The following MAF variants were observed in gnomAD, a reference collection of about 807,000 sequenced individuals.
The protein encoded by MAF is transcription factor Maf.
In MAF, 10 loss-of-function variants were observed where a neutral mutation model predicts 22.0. The ratio of observed to expected loss-of-function variants is 0.45; its 90% CI spans 0.28 to 0.77. MAF has a LOEUF of 0.77. Ranked by LOEUF, MAF falls within the 30% of genes least tolerant of loss-of-function variation. MAF has a pLI of 0.12. For missense variants in MAF, 544 were observed against 548.4 expected, an observed-to-expected ratio of 0.99 and a Z score of 0.08; for synonymous variants, 337 against 255.8, an observed-to-expected ratio of 1.32 and a Z score of -3.03.
the MAF span, among the ~76,000 whole-genome samples, chr16:79,454,560 T>C: frequency 2.0e-5 from 3 of 152,212 alleles, no homozygotes; most frequent in Non-Finnish European, 2.9e-5. Context: ...GAATTATCCC[T>C]TCCTACTAAT....
chr16:79,212,283 G>A, the MAF span: 3 of 1,165,740 alleles, frequency 2.6e-6, no homozygotes, highest in East Asian at 2.6e-5. Context: ...GACCAAGACT[G>A]AGCCAGCTTA....
chr16:79,311,520 A>T, the MAF span, among the ~76,000 whole-genome samples: 7 of 150,382 alleles, frequency 4.7e-5, no homozygotes, highest in Admixed American at 4.7e-4. Context: ...AAAAAACATT[A>T]TGTCTGCCCT....
chr16:79,469,747 C>G, the MAF span, among the ~76,000 whole-genome samples: 12 of 152,220 alleles, frequency 7.9e-5, no homozygotes, highest in South Asian at 2.5e-3. Context: ...CAGGTGCCCG[C>G]CACCTTGTCT....
At chr16:79,207,934 T>A in the MAF span, among the ~76,000 whole-genome samples, 3 of 152,214 alleles carry the variant, frequency 2.0e-5, no homozygotes, top group Non-Finnish European at 4.4e-5. Flanking sequence ...AGCAGCTACT[T>A]AACATTTTCA....
the MAF span, among the ~76,000 whole-genome samples, chr16:79,553,517 G>T: frequency 6.6e-6 from 1 of 152,338 alleles, no homozygotes; most frequent in South Asian, 2.1e-4. Flanking sequence ...TCAAAGAGAT[G>T]CCTCAGCATA....
At chr16:79,339,807 CTT>C in the MAF span, among the ~76,000 whole-genome samples, 1 of 152,256 alleles carries the variant, frequency 6.6e-6, no homozygotes, top group East Asian at 1.9e-4. Flanking sequence ...TTAAAAGAAA[CTT>C]TTAATCAGCC....
At chr16:79,435,030 A>G in the MAF span, among the ~76,000 whole-genome samples, 1 of 152,178 alleles carries the variant, frequency 6.6e-6, no homozygotes, top group African/African-American at 2.4e-5. Context: ...GTCCCAGCAG[A>G]GTGTGGAGAA....
the MAF span, among the ~76,000 whole-genome samples, chr16:79,427,284 G>A: frequency 5.3e-5 from 8 of 152,204 alleles, no homozygotes; most frequent in East Asian, 1.9e-4. Flanking sequence ...GGTTCAGATC[G>A]CTTAGGGGTA....
chr16:79,431,337 G>A, the MAF span, among the ~76,000 whole-genome samples: 1 of 152,166 alleles, frequency 6.6e-6, no homozygotes, highest in African/African-American at 2.4e-5. Flanking sequence ...CTGCAATCTG[G>A]ATTTGAATTC....
chr16:79,431,159 C>T, the MAF span, among the ~76,000 whole-genome samples: 6 of 152,274 alleles, frequency 3.9e-5, no homozygotes, highest in South Asian at 1.2e-3. Context: ...TTTCCATCCT[C>T]ACCCCATCCC....
chr16:79,277,609 A>C, the MAF span, among the ~76,000 whole-genome samples: 1 of 152,210 alleles, frequency 6.6e-6, no homozygotes. Context: ...AAAAAGAGCC[A>C]CCTACATTTG....
chr16:79,410,597 A>G, the MAF span, among the ~76,000 whole-genome samples: 3 of 152,216 alleles, frequency 2.0e-5, no homozygotes, highest in Non-Finnish European at 4.4e-5. Context: ...AGCTGCTCAC[A>G]TTCTGTTGAG....
chr16:79,435,577 G>T, the MAF span, among the ~76,000 whole-genome samples: 1 of 152,180 alleles, frequency 6.6e-6, no homozygotes. Context: ...TTCCCAAGGG[G>T]AAACTGAGGC....
At chr16:79,420,281 T>C in the MAF span, among the ~76,000 whole-genome samples, 2 of 152,198 alleles carry the variant, frequency 1.3e-5, no homozygotes. Context: ...ATATGTGATT[T>C]TGTGGGCACG....
chr16:79,567,841 T>C, the MAF span, among the ~76,000 whole-genome samples: 1 of 152,256 alleles, frequency 6.6e-6, no homozygotes, highest in Non-Finnish European at 1.5e-5. Flanking sequence ...CCAGCTAATG[T>C]CTCTTTGAGT....
chr16:79,439,423 G>A, the MAF span, among the ~76,000 whole-genome samples: 4 of 151,648 alleles, frequency 2.6e-5, no homozygotes, highest in Admixed American at 6.6e-5. Flanking sequence ...CACCATGCCC[G>A]GCTAATTTTT....
chr16:79,550,633 G>C, the MAF span, among the ~76,000 whole-genome samples: 4 of 152,162 alleles, frequency 2.6e-5, no homozygotes, highest in Non-Finnish European at 5.9e-5. Context: ...ATGCTTGTAA[G>C]GAGGTAGAGC....
the MAF span, among the ~76,000 whole-genome samples, chr16:79,473,495 C>G: frequency 6.6e-6 from 1 of 151,986 alleles, no homozygotes; most frequent in Non-Finnish European, 1.5e-5. Context: ...GTTGGGAAAA[C>G]CATAAAAAAT....
chr16:79,556,310 C>G, the MAF span, among the ~76,000 whole-genome samples: 2 of 152,192 alleles, frequency 1.3e-5, no homozygotes, highest in Admixed American at 1.3e-4. Flanking sequence ...TTTGAATACC[C>G]AGTAGATTCC....
Sources: gnomAD v4.1 joint callset for allele counts (sites outside exome capture counted in the v4.1 genomes callset) on GRCh38, gnomAD v4.1.1 for gene constraint, MANE v1.5 for transcripts, NCBI Gene and HGNC (gene_info 2026-07-23, HGNC 2026-07-21) for gene names.